PLEKHB2: variants seen among roughly 807,000 people sequenced by gnomAD.
PLEKHB2 encodes the protein pleckstrin homology domain containing B2.
PLEKHB2 carries 31 observed loss-of-function variants against 36.5 expected under a neutral mutation model. That is an observed-to-expected ratio of 0.85 (90% confidence interval 0.64 to 1.15). The LOEUF (loss-of-function observed/expected upper bound fraction) is 1.15, where lower values mean the gene tolerates loss of function less well. PLEKHB2 is among the 50% of genes most tolerant of loss of function. The pLI, the probability that PLEKHB2 is intolerant of heterozygous loss-of-function variation, is 0.00. For missense variants in PLEKHB2, 262 were observed against 295.3 expected, an observed-to-expected ratio of 0.89 and a Z score of 0.83; for synonymous variants, 119 against 112.0, an observed-to-expected ratio of 1.06 and a Z score of -0.39.
intron 4 of PLEKHB2, among the ~76,000 whole-genome samples, chr2:131,130,005 A>AAG (rs1697516310): frequency 6.6e-6 from 1 of 152,138 alleles, no homozygotes; most frequent in South Asian, 2.1e-4. Context: ...ATGTTTACAT[A>AAG]AGAGTGTAAG....
chr2:131,142,980 T>A (rs906200391), intron 7 of PLEKHB2, among the ~76,000 whole-genome samples: 1 of 152,186 alleles, frequency 6.6e-6, no homozygotes, highest in African/African-American at 2.4e-5. Flanking sequence ...ACAATGTACA[T>A]TTAGTAGAAA....
intron 7 of PLEKHB2, among the ~76,000 whole-genome samples, chr2:131,144,150 G>A (rs1454021854): frequency 6.6e-6 from 1 of 152,134 alleles, no homozygotes; most frequent in Non-Finnish European, 1.5e-5. Context: ...TGTCTGCCAG[G>A]GTCTCACTGC....
intron 1 of PLEKHB2, among the ~76,000 whole-genome samples, chr2:131,118,123 C>G (rs966230974): frequency 3.3e-5 from 5 of 152,074 alleles, no homozygotes; most frequent in African/African-American, 1.2e-4. Context: ...TCTGCTGTCT[C>G]TGCGTCAGCT....
intron 1 of PLEKHB2, among the ~76,000 whole-genome samples, chr2:131,110,168 T>G (rs545055746): frequency 6.6e-6 from 1 of 152,300 alleles, no homozygotes; most frequent in South Asian, 2.1e-4. Flanking sequence ...TGCTATTGAT[T>G]TACATGTAAT....
At chr2:131,137,048 G>A (rs1396962814) in intron 6 of PLEKHB2, among the ~76,000 whole-genome samples, 5 of 150,164 alleles carry the variant, frequency 3.3e-5, no homozygotes, top group African/African-American at 9.9e-5. Context: ...CCGTGTTCAC[G>A]CCATTCTTCT....
intron 7 of PLEKHB2, among the ~76,000 whole-genome samples, chr2:131,145,281 G>A (rs1038370130): frequency 8.5e-5 from 13 of 152,100 alleles, no homozygotes; most frequent in Non-Finnish European, 1.2e-4. Flanking sequence ...TTACCACTGC[G>A]GGTTTCACTT....
At chr2:131,136,159 TCCTCCCTC>T (rs767240496) in intron 6 of PLEKHB2, among the ~76,000 whole-genome samples, 2 of 146,304 alleles carry the variant, frequency 1.4e-5, no homozygotes, top group South Asian at 2.3e-4. Context: ...TCTTCCTGCC[TCCTCCCTC>T]CCTCCCTCCC....
chr2:131,145,472 G>A (rs973561703), intron 7 of PLEKHB2, among the ~76,000 whole-genome samples: 1 of 152,090 alleles, frequency 6.6e-6, no homozygotes, highest in African/African-American at 2.4e-5. Context: ...TGGGATTACA[G>A]GCATGCGCCA....
At chr2:131,129,908 A>G (rs1000061250) in intron 4 of PLEKHB2, among the ~76,000 whole-genome samples, 20 of 152,304 alleles carry the variant, frequency 1.3e-4, no homozygotes, top group African/African-American at 4.3e-4. Flanking sequence ...ATCGTTTTGC[A>G]GGGCATTTTG....
At chr2:131,135,267 C>T (rs1698126124) in intron 6 of PLEKHB2, among the ~76,000 whole-genome samples, 1 of 152,110 alleles carries the variant, frequency 6.6e-6, no homozygotes, top group Admixed American at 6.6e-5. Flanking sequence ...GGGGTTTCAC[C>T]ATGATGGCCA....
chr2:131,135,774 T>A (rs1021888839), intron 6 of PLEKHB2, among the ~76,000 whole-genome samples: 7 of 150,852 alleles, frequency 4.6e-5, no homozygotes, highest in African/African-American at 1.5e-4. Context: ...CTAATTTTTT[T>A]ATTTTTTTTA....
intron 6 of PLEKHB2, among the ~76,000 whole-genome samples, chr2:131,137,254 A>G (rs939051818): frequency 2.6e-5 from 4 of 151,908 alleles, no homozygotes; most frequent in Non-Finnish European, 4.4e-5. Flanking sequence ...GCCTCTTTTT[A>G]CTTTTTTTGG....
At chr2:131,136,979 T>C (rs1211661481) in intron 6 of PLEKHB2, among the ~76,000 whole-genome samples, 1 of 149,322 alleles carries the variant, frequency 6.7e-6, no homozygotes, top group Non-Finnish European at 1.5e-5. Context: ...GGAGTCTCAC[T>C]CTTGTCGCCC....
intron 2 of PLEKHB2, among the ~76,000 whole-genome samples, chr2:131,123,039 A>G (rs140064839): frequency 6.6e-6 from 1 of 152,296 alleles, no homozygotes; most frequent in Non-Finnish European, 1.5e-5. Context: ...CAACATAGTG[A>G]TCAGTGACTC....
intron 7 of PLEKHB2, among the ~76,000 whole-genome samples, chr2:131,143,292 C>T (rs761305771): frequency 2.0e-5 from 3 of 152,190 alleles, no homozygotes; most frequent in Non-Finnish European, 4.4e-5. Context: ...AAGGCATAGA[C>T]ATTTTTGACG....
intron 7 of PLEKHB2, among the ~76,000 whole-genome samples, chr2:131,141,178 T>C (rs1054961141): frequency 6.6e-6 from 1 of 152,112 alleles, no homozygotes; most frequent in Non-Finnish European, 1.5e-5. Context: ...TGGTGGTTGC[T>C]TTGGCTTTTG....
intron 5 of PLEKHB2, among the ~76,000 whole-genome samples, chr2:131,131,724 C>T (rs1245312810): frequency 1.3e-5 from 2 of 150,776 alleles, no homozygotes; most frequent in Admixed American, 6.6e-5. Flanking sequence ...GCTTACTCTA[C>T]AGCCGCAGTT....
rs375765905 is a variant in PLEKHB2 at position 131,140,196 on chromosome 2, T to C, written c.453T>C (p.Gly151=). The C allele has an allele frequency of 3.7e-6, 6 of 1,613,334 alleles. No individual in the cohort carries two copies. The highest frequency in any genetic ancestry group is 5.1e-6 in the Non-Finnish European group (6 of 1,179,390). The stretch of plus-strand genomic sequence containing the variant: ...CTTATGGCTATGGGCCATACGGTGG[T>C]GCGTACCCGCCAGGAACTCAAGTTG... ...EQAYGYGPYG[G]AYPPGTQVVY... The change falls in exon 7 of 8, where the codon GGT becomes GGC. Residue 151 remains glycine, a synonymous_variant. Transcript: ENST00000693505.
At chr2:131,140,454 G>A (rs868738418) in intron 7 of PLEKHB2, among the ~76,000 whole-genome samples, 179 bp downstream of exon 7, 9 of 152,346 alleles carry the variant, frequency 5.9e-5, no homozygotes, top group Middle Eastern at 3.4e-3. Flanking sequence ...ATACTGCTCT[G>A]CAAAGCTACC....
Sources: allele counts gnomAD v4.1 joint callset (sites outside exome capture counted in the v4.1 genomes callset), GRCh38; gene constraint gnomAD v4.1.1; transcripts MANE v1.5; gene names NCBI Gene and HGNC (gene_info 2026-07-23, HGNC 2026-07-21).